IFI35: variants seen among roughly 807,000 people sequenced by gnomAD.
IFI35 encodes interferon-induced 35 kDa protein.
In IFI35, 30 loss-of-function variants were observed where a neutral mutation model predicts 28.6. The ratio of observed to expected loss-of-function variants is 1.05; its 90% CI spans 0.79 to 1.43. The LOEUF (loss-of-function observed/expected upper bound fraction) is 1.43. Ranked by LOEUF, IFI35 falls within the 40% of genes most tolerant of loss-of-function variation. The probability of loss-of-function intolerance (pLI) is 0.00; values close to 1 mark genes in which losing one functional copy is unlikely to be tolerated. For synonymous variants in IFI35, 146 were observed against 154.8 expected, an observed-to-expected ratio of 0.94 and a Z score of 0.42; for missense variants, 372 against 356.9, an observed-to-expected ratio of 1.04 and a Z score of -0.34.
chr17:43,012,478 C>T (rs552285374), intron 2 of IFI35: 9 of 383,398 alleles, frequency 2.3e-5, no homozygotes, highest in African/African-American at 1.5e-4. Context: ...CAGTGGCTCA[C>T]GCCTGTAATC....
At chr17:43,009,882 G>A (rs993254959) in intron 1 of IFI35, among the ~76,000 whole-genome samples, 4 of 151,434 alleles carry the variant, frequency 2.6e-5, no homozygotes, top group Non-Finnish European at 4.4e-5. Flanking sequence ...GCAGCGAGCC[G>A]ATATTGCGCC....
At position 43,013,301 on chromosome 17, in the gene IFI35, G is replaced by C. The variant is rs768170062; in HGVS notation, c.303G>C (p.Thr101=). 6.2e-7 allele frequency: 1 copy of C among 1,614,128 alleles called. No homozygotes were observed. Among genetic ancestry groups the C allele is most frequent in the Admixed American group, 1.7e-5 (1 of 60,014 alleles). Reference sequence around the variant, plus strand: ...AGGTGCTGCAACAAAAGGAGCACACGATCAACATGGAGGAGTGCCGGCTGC... The same window carrying C: ...AGGTGCTGCAACAAAAGGAGCACACCATCAACATGGAGGAGTGCCGGCTGC... ...AEQVLQQKEH[T]INMEECRLRV... Residue 101 remains threonine, a synonymous_variant, in exon 4 of 7, where the codon ACG becomes ACC. Transcript: ENST00000415816.
intron 1 of IFI35, among the ~76,000 whole-genome samples, chr17:43,007,735 A>G (rs1169317195): frequency 1.3e-5 from 2 of 149,704 alleles, no homozygotes; most frequent in East Asian, 3.9e-4. Flanking sequence ...CTGAGGCGGG[A>G]GAATTGCTTG....
chr17:43,011,740 T>C (rs892758152), intron 1 of IFI35, among the ~76,000 whole-genome samples: 1 of 152,204 alleles, frequency 6.6e-6, no homozygotes, highest in Admixed American at 6.5e-5. Flanking sequence ...GAGGTGTCCC[T>C]AATTGGGTTA....
chr17:43,012,528 G>C lies in IFI35; in HGVS notation c.120+251G>C, dbSNP rs1208874782. On this transcript the variant is annotated intron_variant, in intron 2 of 6. Transcript: ENST00000415816. The stretch of plus-strand genomic sequence containing the variant: ...GGCCGAGGCTGGTGGATCACCTGAG[G>C]TCAGTTTGAGACCAGCCTGGCCAAC... The C allele has an allele frequency of 1.0e-5, 3 of 292,530 alleles. No individual in the cohort carries two copies. In the Admixed American group the frequency reaches 1.4e-4, roughly 14 times the overall value. 18.1% of individuals were successfully genotyped at this position (292,530 alleles called of 1,614,324 possible). A position where few individuals can be genotyped will look rare whatever the true frequency, so the allele number is the denominator to read the frequency against.
intron 1 of IFI35, among the ~76,000 whole-genome samples, chr17:43,009,628 C>T (rs997465567): frequency 2.0e-5 from 3 of 152,054 alleles, no homozygotes; most frequent in Non-Finnish European, 4.4e-5. Flanking sequence ...TGGTGCGTGC[C>T]TGTAGTCCCA....
At chr17:43,012,324 G>C in intron 2 of IFI35, 47 bp downstream of exon 2, 1 of 1,433,068 alleles carries the variant, frequency 7.0e-7, no homozygotes, top group Non-Finnish European at 9.6e-7. Flanking sequence ...AGCTGGCGAG[G>C]CCGGGTGCGG....
chr17:43,010,912 A>C (rs2050452528), intron 1 of IFI35, among the ~76,000 whole-genome samples: 1 of 152,146 alleles, frequency 6.6e-6, no homozygotes, highest in Non-Finnish European at 1.5e-5. Flanking sequence ...CCACAGGGTG[A>C]ACTCTGCTCT....
chr17:43,012,230 G>C lies in IFI35; in HGVS notation c.73G>C (p.Asp25His). The change falls in exon 2 of 7, where the codon GAC becomes CAC. Residue 25 changes from aspartate (D) to histidine (H), a missense_variant. By Grantham distance (81) the Asp-to-His change is moderately conservative. Coordinates refer to ENST00000415816, the MANE Select transcript of IFI35 (RefSeq NM_001330230.2). ...EQARLKMRLW[D>H]LQQLRKELGD... The stretch of plus-strand genomic sequence containing the variant: ...GGCCAGACTCAAGATGAGGCTGTGG[G>C]ACCTGCAGCAGCTGAGAAAGGAGCT... 1.3e-6 allele frequency: 2 copies of C among 1,579,606 alleles called. No individual in the cohort carries two copies. Among genetic ancestry groups the C allele is most frequent in the Non-Finnish European group, 1.7e-6 (2 of 1,162,334 alleles).
At position 43,014,093 on chromosome 17, in the gene IFI35, T is replaced by C; in HGVS notation, c.670-15T>C. 6.2e-7 allele frequency: 1 copy of C among 1,612,506 alleles called. No individual in the cohort carries two copies. Among genetic ancestry groups the C allele is most frequent in the Non-Finnish European group, 8.5e-7 (1 of 1,179,052 alleles). On this transcript the variant is annotated splice_polypyrimidine_tract_variant and intron_variant, in intron 6 of 6. Transcript: ENST00000415816. ...TCTCCCATGAGCCTTTGCCATCTCC[T>C]GGCTCCTTTTCCAGATCAGGTCGCA...
intron 1 of IFI35, among the ~76,000 whole-genome samples, chr17:43,009,050 C>A (rs904017308): frequency 7.2e-5 from 11 of 152,092 alleles, no homozygotes; most frequent in African/African-American, 2.4e-4. Flanking sequence ...GGCTGCAGTG[C>A]AGTGGCTGGA....
In IFI35 at chr17:43,006,856, T is replaced by G; in HGVS notation, c.-92T>G. On this transcript the variant is annotated 5_prime_UTR_variant, in exon 1 of 7. Coordinates refer to ENST00000415816, the MANE Select transcript of IFI35 (RefSeq NM_001330230.2). ...TGGGGCTGAGAGAGACCACAGCCCT[T>G]TGGGGGGTACAAACAAGAGTTCAGT... is the stretch of plus-strand genomic sequence containing the variant. 4.3e-6 allele frequency: 6 copies of G among 1,390,998 alleles called. No individual in the cohort carries two copies. Among genetic ancestry groups the G allele is most frequent in the Non-Finnish European group, 6.1e-6 (6 of 977,622 alleles). The allele number at this position is 1,390,998 out of a possible 1,614,324, so 86.2% of individuals were successfully genotyped here. A position where few individuals can be genotyped will look rare whatever the true frequency, so the allele number is the denominator to read the frequency against.
In IFI35 at chr17:43,014,255, C is replaced by T. The variant is rs1288822870; in HGVS notation, c.817C>T (p.Gln273Ter). ...GGTAGAGGCCCTGACAGTCGTACCC[C>T]AAGGACAGCAGGGCCTAGCAGTCTT... is the stretch of plus-strand genomic sequence containing the variant. ...GEVEALTVVPQGQQGLAVFTS... is the reference protein window; with the variant it reads ...GEVEALTVVP Residue 273 changes from glutamine to a stop codon, truncating the protein, a stop_gained, in exon 7 of 7, where the codon CAA becomes TAA. Transcript: ENST00000415816. LOFTEE classifies it high-confidence loss of function. The T allele has an allele frequency of 1.2e-6, 2 of 1,603,778 alleles. No homozygotes were observed. The highest frequency in any genetic ancestry group is 3.4e-5 in the Admixed American group (2 of 59,142).
intron 1 of IFI35, among the ~76,000 whole-genome samples, chr17:43,010,363 AGC>A (rs1263676210): frequency 6.6e-6 from 1 of 152,220 alleles, no homozygotes; most frequent in Non-Finnish European, 1.5e-5. Flanking sequence ...ATTGCACTCC[AGC>A]CTGGGTGGCA....
chr17:43,010,546 A>G (rs1431908142), intron 1 of IFI35, among the ~76,000 whole-genome samples: 2 of 152,218 alleles, frequency 1.3e-5, no homozygotes, highest in African/African-American at 4.8e-5. Flanking sequence ...TAACTCATTA[A>G]TGTCATCCAA....
intron 1 of IFI35, among the ~76,000 whole-genome samples, chr17:43,009,217 T>G (rs1416057248): frequency 1.3e-5 from 2 of 152,066 alleles, no homozygotes; most frequent in Non-Finnish European, 2.9e-5. Flanking sequence ...CAGGCTGGTC[T>G]CAGACTCCTG....
chr17:43,013,286 A>T lies in IFI35; in HGVS notation c.288A>T (p.Gln96His). 6.2e-7 allele frequency: 1 copy of T among 1,614,134 alleles called. No individual in the cohort carries two copies. Among genetic ancestry groups the T allele is most frequent in the Non-Finnish European group, 8.5e-7 (1 of 1,179,998 alleles). ...DDPKVAEQVL[Q>H]QKEHTINMEE... is the part of the protein sequence containing the mutation. ...ACCCAGTGGCTGAGCAGGTGCTGCAACAAAAGGAGCACACGATCAACATGG... is the reference window on the plus strand; with the variant it reads ...ACCCAGTGGCTGAGCAGGTGCTGCATCAAAAGGAGCACACGATCAACATGG... Residue 96 changes from glutamine to histidine, a missense_variant, in exon 4 of 7, where the codon CAA (glutamine) becomes CAT (histidine). Coordinates refer to ENST00000415816, the MANE Select transcript of IFI35 (RefSeq NM_001330230.2).
intron 1 of IFI35, among the ~76,000 whole-genome samples, chr17:43,007,652 C>A (rs1262338611): frequency 6.6e-6 from 1 of 150,652 alleles, no homozygotes; most frequent in East Asian, 1.9e-4. Context: ...ATAGCAAAAC[C>A]CCATCTCTAC....
chr17:43,009,579 C>G (rs1262143452), intron 1 of IFI35, among the ~76,000 whole-genome samples: 2 of 151,818 alleles, frequency 1.3e-5, no homozygotes, highest in African/African-American at 4.8e-5. Flanking sequence ...ATGGTGAAAC[C>G]CCATCTCTAC....
Sources: gnomAD v4.1 joint callset for allele counts (sites outside exome capture counted in the v4.1 genomes callset) on GRCh38, gnomAD v4.1.1 for gene constraint, MANE v1.5 for transcripts, NCBI Gene and HGNC (gene_info 2026-07-23, HGNC 2026-07-21) for gene names.